TMEM74B: variants seen among roughly 807,000 people sequenced by gnomAD.
The protein encoded by TMEM74B is transmembrane protein C20orf46.
Under a neutral mutation model 6.5 loss-of-function variants are expected in TMEM74B, and 7 were observed. That is an observed-to-expected ratio of 1.07 (90% CI 0.61 to 2.01). The LOEUF (loss-of-function observed/expected upper bound fraction) is 2.01, where lower values mean the gene tolerates loss of function less well. TMEM74B is among the 30% of genes most tolerant of loss of function. The pLI is 0.00. For synonymous variants in TMEM74B, 151 were observed against 151.6 expected (o/e 1.00, Z 0.03); for missense variants, 342 against 337.0 (o/e 1.01, Z -0.12).
At chr20:1,186,142 C>G (rs566875345), upstream of TMEM74B, 1 of 152,352 alleles carries the variant, frequency 6.6e-6, no homozygotes, top group Non-Finnish European at 1.5e-5. Context: ...CCCCACGGGC[C>G]CCTCCATCTG....
At position 1,184,915 on chromosome 20, in the gene TMEM74B, C is replaced by G. The variant is rs1455350145; in HGVS notation, c.-761G>C. 6.6e-6 allele frequency among the ~76,000 whole-genome samples: 1 copy of G among 152,302 alleles called. No homozygotes were observed. The highest frequency in any genetic ancestry group is 1.9e-4 in the East Asian group (1 of 5,134). On this transcript the variant is annotated 5_prime_UTR_variant, in exon 1 of 3. Transcript: ENST00000429036. This position sits in a 1 kb window ranked among gnomAD's most constrained non-coding sequence, Gnocchi z 6.0. Reference sequence around the variant, plus strand: ...CAGCACGCCGGCTGCCCACCGCGCCCGCTCCCGCCGGCCCAGTCCACACCC... The same window carrying G: ...CAGCACGCCGGCTGCCCACCGCGCCGGCTCCCGCCGGCCCAGTCCACACCC...
chr20:1,187,704 C>T (rs1041194763), upstream of TMEM74B, among the ~76,000 whole-genome samples: 41 of 152,074 alleles, frequency 2.7e-4, no homozygotes, highest in African/African-American at 9.4e-4. Flanking sequence ...CTAGCATAGG[C>T]GAAGACCTTG....
chr20:1,183,022 C>A (rs1272760681), intron 2 of TMEM74B, among the ~76,000 whole-genome samples: 2 of 152,200 alleles, frequency 1.3e-5, no homozygotes, highest in Non-Finnish European at 2.9e-5. Context: ...TCTAGCCTCT[C>A]CCCGACAGGT....
chr20:1,183,748 A>G (rs750147954), intron 2 of TMEM74B, 23 bp downstream of exon 2: 4 of 1,613,740 alleles, frequency 2.5e-6, no homozygotes, highest in Non-Finnish European at 3.4e-6. Flanking sequence ...CAGATTCCCT[A>G]AGAATTATTA....
At chr20:1,183,185 TG>T (rs1824657159) in intron 2 of TMEM74B, among the ~76,000 whole-genome samples, 1 of 152,070 alleles carries the variant, frequency 6.6e-6, no homozygotes, top group Non-Finnish European at 1.5e-5. Context: ...AGGTGCAGAG[TG>T]GCTCACATGC....
upstream of TMEM74B, chr20:1,185,272 G>A (rs961952820): frequency 4.0e-5 from 6 of 151,668 alleles, no homozygotes; most frequent in African/African-American, 1.5e-4. Flanking sequence ...TCTCGCCTGC[G>A]GGGGTCTCTC....
chr20:1,183,668 G>A, intron 2 of TMEM74B, 103 bp downstream of exon 2: 1 of 1,417,980 alleles, frequency 7.1e-7, no homozygotes, highest in African/African-American at 1.4e-5. Context: ...CGGAATTACT[G>A]TCTCTATTTC....
At chr20:1,188,852 T>C (rs1325292001), upstream of TMEM74B, among the ~76,000 whole-genome samples, 1 of 152,042 alleles carries the variant, frequency 6.6e-6, no homozygotes, top group Non-Finnish European at 1.5e-5. Context: ...AAGAGAAATC[T>C]CCCATGCAGA....
upstream of TMEM74B, among the ~76,000 whole-genome samples, chr20:1,187,601 C>G (rs1447451687): frequency 6.6e-6 from 1 of 152,174 alleles, no homozygotes; most frequent in African/African-American, 2.4e-5. Context: ...ATAGGAATGG[C>G]TTCCTGTAAA....
chr20:1,187,427 A>G (rs565425699), upstream of TMEM74B, among the ~76,000 whole-genome samples: 30 of 152,352 alleles, frequency 2.0e-4, no homozygotes, highest in South Asian at 6.2e-3. Context: ...ATGGGCAAAT[A>G]TTATATACTA....
chr20:1,180,989 G>C lies in TMEM74B; in HGVS notation c.630C>G (p.Phe210Leu), dbSNP rs778408590. ...CKGELYRRRTFVPGKGSRKTY... is the reference protein window; with the variant it reads ...CKGELYRRRTLVPGKGSRKTY... Reference sequence around the variant, plus strand: ...TCTTCCTGGAGCCCTTGCCGGGGACGAAGGTCCTCCGGCGGTACAGCTCGC... The same window carrying C: ...TCTTCCTGGAGCCCTTGCCGGGGACCAAGGTCCTCCGGCGGTACAGCTCGC... Residue 210 changes from phenylalanine to leucine, a missense_variant, in exon 3 of 3, where the codon TTC (phenylalanine) becomes TTG (leucine). Transcript: ENST00000429036. The surrounding 1 kb of genome is among the most constrained non-coding windows in gnomAD (Gnocchi z 6.1). 1 of 1,613,976 alleles carries C rather than the reference G, an allele frequency of 6.2e-7. No homozygotes were observed. Among genetic ancestry groups the C allele is most frequent in the African/African-American group, 1.3e-5 (1 of 74,932 alleles).
At position 1,184,485 on chromosome 20, in the gene TMEM74B, G is replaced by A. The variant is rs2086962210; in HGVS notation, c.-331C>T. Reference sequence around the variant, plus strand: ...TTTCATCTGCAGTCAGACAGGTCCTGAAAGGAACACTCCAGTTCCACACAC... The same window carrying A: ...TTTCATCTGCAGTCAGACAGGTCCTAAAAGGAACACTCCAGTTCCACACAC... On this transcript the variant is annotated 5_prime_UTR_variant, in exon 1 of 3. Coordinates refer to ENST00000429036, the MANE Select transcript of TMEM74B (RefSeq NM_001304748.2). This position sits in a 1 kb window ranked among gnomAD's most constrained non-coding sequence, Gnocchi z 6.0. 6.6e-6 allele frequency: 1 copy of A among 152,400 alleles called. No individual in the cohort carries two copies. Among genetic ancestry groups the A allele is most frequent in the African/African-American group, 2.4e-5 (1 of 41,378 alleles). 9.4% of individuals were successfully genotyped at this position (152,400 alleles called of 1,614,324 possible).
In TMEM74B at chr20:1,181,765, A is replaced by G. The variant is rs1376950820; in HGVS notation, c.32-178T>C. The stretch of plus-strand genomic sequence containing the variant: ...TGACAGAACAGTGTGATCCAAGCCC[A>G]GATCCCACTCTACCACCGGGTGGGG... On this transcript the variant is annotated intron_variant, in intron 2 of 2. Coordinates refer to ENST00000429036, the MANE Select transcript of TMEM74B (RefSeq NM_001304748.2). This position sits in a 1 kb window ranked among gnomAD's most constrained non-coding sequence, Gnocchi z 4.9. Among the ~76,000 whole-genome samples, 1 of 152,228 alleles carries G rather than the reference A, an allele frequency of 6.6e-6. No individual in the cohort carries two copies. The highest frequency in any genetic ancestry group is 1.9e-4 in the East Asian group (1 of 5,196).
In TMEM74B at chr20:1,180,990, A is replaced by T; in HGVS notation, c.629T>A (p.Phe210Tyr). 6.2e-7 allele frequency: 1 copy of T among 1,614,062 alleles called. No individual in the cohort carries two copies. Among genetic ancestry groups the T allele is most frequent in the Non-Finnish European group, 8.5e-7 (1 of 1,179,986 alleles). Residue 210 changes from phenylalanine to tyrosine, a missense_variant, in exon 3 of 3, where the codon TTC (phenylalanine) becomes TAC (tyrosine). Coordinates refer to ENST00000429036, the MANE Select transcript of TMEM74B (RefSeq NM_001304748.2). This position sits in a 1 kb window ranked among gnomAD's most constrained non-coding sequence, Gnocchi z 6.1. ...CTTCCTGGAGCCCTTGCCGGGGACG[A>T]AGGTCCTCCGGCGGTACAGCTCGCC... is the stretch of plus-strand genomic sequence containing the variant. ...CKGELYRRRT[F>Y]VPGKGSRKTY... is the part of the protein sequence containing the mutation.
In TMEM74B at chr20:1,184,409, C is replaced by T. The variant is rs912534060; in HGVS notation, c.-255G>A. 6.6e-6 allele frequency: 1 copy of T among 152,570 alleles called. No individual in the cohort carries two copies. Among genetic ancestry groups the T allele is most frequent in the Admixed American group, 6.5e-5 (1 of 15,282 alleles). 9.5% of individuals were successfully genotyped at this position (152,570 alleles called of 1,614,324 possible). On this transcript the variant is annotated 5_prime_UTR_variant, in exon 1 of 3. The change abolishes an upstream ATG in the 5' untranslated region. Coordinates refer to ENST00000429036, the MANE Select transcript of TMEM74B (RefSeq NM_001304748.2). The surrounding 1 kb of genome is among the most constrained non-coding windows in gnomAD (Gnocchi z 6.0). ...ACATAAGCAGAAACACACCAACTGA[C>T]ATAGCTGCTCCCGCCCACCATTCAC...
upstream of TMEM74B, among the ~76,000 whole-genome samples, chr20:1,187,290 A>G (rs779858058): frequency 5.3e-5 from 8 of 152,098 alleles, no homozygotes; most frequent in Non-Finnish European, 1.0e-4. Flanking sequence ...CACCTCCCCT[A>G]AAAAATAAGT....
intron 2 of TMEM74B, among the ~76,000 whole-genome samples, chr20:1,182,610 CAG>C (rs1445484591): frequency 6.6e-6 from 1 of 152,068 alleles, no homozygotes; most frequent in Non-Finnish European, 1.5e-5. Flanking sequence ...TTTATGTAAA[CAG>C]AAGTGTGGGG....
In TMEM74B at chr20:1,181,524, TC is replaced by T; in HGVS notation, c.94del (p.Glu32AsnfsTer2). ...SFPMASPPGLELKTLSNGPQA... is the reference protein window; with the variant it reads ...SFPMASPPGLXLKTLSNGPQA... ...GGGACCATTGCTCAGTGTCTTCAGTTCCAGACCAGGGGGAGATGCCATTGGG... is the reference window on the plus strand; with the variant it reads ...GGGACCATTGCTCAGTGTCTTCAGTTCAGACCAGGGGGAGATGCCATTGGG... On this transcript the variant is annotated frameshift_variant, in exon 3 of 3. Transcript: ENST00000429036. LOFTEE classifies it high-confidence loss of function. The surrounding 1 kb of genome is among the most constrained non-coding windows in gnomAD (Gnocchi z 4.9). 6.7e-7 allele frequency: 1 copy of T among 1,491,048 alleles called. No individual in the cohort carries two copies. 92.4% of individuals were successfully genotyped at this position (1,491,048 alleles called of 1,614,324 possible).
At position 1,184,250 on chromosome 20, in the gene TMEM74B, T is replaced by C. The variant is rs545198151; in HGVS notation, c.-148+52A>G. 2 of 154,800 alleles carry C rather than the reference T, an allele frequency of 1.3e-5. No homozygotes were observed. Among genetic ancestry groups the C allele is most frequent in the African/African-American group, 4.8e-5 (2 of 41,620 alleles). 9.6% of individuals were successfully genotyped at this position (154,800 alleles called of 1,614,324 possible). On this transcript the variant is annotated intron_variant, in intron 1 of 2. Coordinates refer to ENST00000429036, the MANE Select transcript of TMEM74B (RefSeq NM_001304748.2). The surrounding 1 kb of genome is among the most constrained non-coding windows in gnomAD (Gnocchi z 6.0). Reference sequence around the variant, plus strand: ...TCATGCTGCAGGAACCCAAAACTTTTTTCTTAGGATGCCACAGTGAGAGGG... The same window carrying C: ...TCATGCTGCAGGAACCCAAAACTTTCTTCTTAGGATGCCACAGTGAGAGGG...
Sources: allele counts gnomAD v4.1 joint callset (sites outside exome capture counted in the v4.1 genomes callset), GRCh38; gene constraint gnomAD v4.1.1; non-coding constraint Gnocchi (gnomAD v3.1); transcripts MANE v1.5; gene names NCBI Gene and HGNC (gene_info 2026-07-23, HGNC 2026-07-21).